The following FIG4 variants were observed in gnomAD, a reference collection of about 807,000 sequenced individuals.
FIG4 encodes the protein polyphosphoinositide phosphatase.
Under a neutral mutation model 118.6 loss-of-function variants are expected in FIG4, and 112 were observed. That is an observed-to-expected ratio of 0.94 (90% CI 0.81 to 1.11). The LOEUF is 1.11. FIG4 is among the 50% of genes least tolerant of loss of function. The pLI is 0.00. For synonymous variants in FIG4, 369 were observed against 381.2 expected (o/e 0.97, Z 0.37); for missense variants, 969 against 1,111.7 (o/e 0.87, Z 1.83).
chr6:109,729,134 TC>T (rs1302812931), intron 4 of FIG4, among the ~76,000 whole-genome samples: 1 of 152,190 alleles, frequency 6.6e-6, no homozygotes, highest in African/African-American at 2.4e-5. Context: ...ATTAAACATT[TC>T]ATACATAATG....
intron 7 of FIG4, among the ~76,000 whole-genome samples, chr6:109,739,783 T>C (rs1170990037): frequency 6.6e-6 from 1 of 152,168 alleles, no homozygotes. Flanking sequence ...GAGTGGTTGC[T>C]TTGAGACTAT....
intron 3 of FIG4, among the ~76,000 whole-genome samples, chr6:109,718,140 A>T (rs1775490698): frequency 6.6e-6 from 1 of 152,182 alleles, no homozygotes; most frequent in Non-Finnish European, 1.5e-5. Flanking sequence ...CTGGAGCTTA[A>T]TTAAGGAATG....
rs374223402 is a variant in FIG4, at chr6:109,786,452, A to G, written c.2096+3A>G. Reference sequence around the variant, plus strand: ...TTGGCTATGACAAGCTCAGCACGGTATGTTGTGTGTATTCTGATACCATAA... The same window carrying G: ...TTGGCTATGACAAGCTCAGCACGGTGTGTTGTGTGTATTCTGATACCATAA... On this transcript the variant is annotated splice_donor_region_variant and intron_variant, in intron 18 of 22. Coordinates refer to ENST00000230124, the MANE Select transcript of FIG4 (RefSeq NM_014845.6). 2.7e-5 allele frequency: 43 copies of G among 1,613,568 alleles called. No individual in the cohort carries two copies. Among genetic ancestry groups the G allele is most frequent in the Non-Finnish European group, 3.1e-5 (37 of 1,179,672 alleles).
chr6:109,707,387 A>C (rs1038875392), intron 1 of FIG4, among the ~76,000 whole-genome samples: 3 of 148,296 alleles, frequency 2.0e-5, no homozygotes, highest in South Asian at 2.1e-4. Context: ...ACATATATAC[A>C]CATATGTATA....
chr6:109,812,963 A>G (rs192238957), intron 22 of FIG4, among the ~76,000 whole-genome samples: 42 of 152,256 alleles, frequency 2.8e-4, no homozygotes, highest in African/African-American at 9.9e-4. Flanking sequence ...ATTCTTATGT[A>G]AATCTAGAAT....
chr6:109,748,354 G>A lies in FIG4; in HGVS notation c.1137+4582G>A, dbSNP rs182310821. Among the ~76,000 whole-genome samples the A allele has an allele frequency of 1.3e-4, 20 of 152,250 alleles. No individual in the cohort carries two copies. The East Asian group carries it at 3.1e-3, about 24-fold the overall frequency. Reference sequence around the variant, plus strand: ...TTTGGATTTTGGCAATACTGTGATCGAAGTGGTCCATGAAATCTCAGCCAA... The same window carrying A: ...TTTGGATTTTGGCAATACTGTGATCAAAGTGGTCCATGAAATCTCAGCCAA... On this transcript the variant is annotated intron_variant, in intron 10 of 22. Coordinates refer to ENST00000230124, the MANE Select transcript of FIG4 (RefSeq NM_014845.6).
chr6:109,744,764 A>G (rs1326602514), intron 10 of FIG4, among the ~76,000 whole-genome samples: 4 of 151,880 alleles, frequency 2.6e-5, no homozygotes, highest in Non-Finnish European at 5.9e-5. Flanking sequence ...TACATTAGGT[A>G]TTTCTCCTAA....
Position 109,760,375 on chromosome 6 carries a change from T to A in FIG4, c.1263T>A (p.Tyr421Ter). 1 of 1,613,152 alleles carries A rather than the reference T, an allele frequency of 6.2e-7. No homozygotes were observed. Among genetic ancestry groups the A allele is most frequent in the Non-Finnish European group, 8.5e-7 (1 of 1,179,176 alleles). ...ATATTCCCTGGGACATGGCCAAGTATACCAAAAGGTGAATGATACTCATCT... is the reference window on the plus strand; with the variant it reads ...ATATTCCCTGGGACATGGCCAAGTAAACCAAAAGGTGAATGATACTCATCT... Reference protein sequence around the residue: ...IVYIPWDMAKYTKSKLCNVLD... With the variant: ...IVYIPWDMAK The change falls in exon 11 of 23, where the codon TAT (tyrosine) becomes TAA (stop). Residue 421 changes from tyrosine (Y) to a stop codon, truncating the protein, a stop_gained. Transcript: ENST00000230124. LOFTEE classifies it high-confidence loss of function.
chr6:109,809,740 G>C (rs1169005832), intron 22 of FIG4, among the ~76,000 whole-genome samples: 1 of 152,042 alleles, frequency 6.6e-6, no homozygotes, highest in Non-Finnish European at 1.5e-5. Flanking sequence ...CTTTTTAAAG[G>C]GTTCTATCAA....
chr6:109,743,840 G>A, intron 10 of FIG4, 68 bp downstream of exon 10: 1 of 1,077,384 alleles, frequency 9.3e-7, no homozygotes. Context: ...TCAACACAGA[G>A]GGGGTTAACA....
chr6:109,772,440 G>A (rs966343565), intron 15 of FIG4, among the ~76,000 whole-genome samples: 1 of 152,020 alleles, frequency 6.6e-6, no homozygotes, highest in Non-Finnish European at 1.5e-5. Flanking sequence ...TCTCTGCTGG[G>A]ATATTGAATT....
chr6:109,710,629 G>C (rs779118213), intron 1 of FIG4, among the ~76,000 whole-genome samples: 2 of 152,020 alleles, frequency 1.3e-5, no homozygotes, highest in Non-Finnish European at 2.9e-5. Flanking sequence ...TTGCTTGTAG[G>C]CTATTTATTA....
At chr6:109,774,529 T>C (rs1440974245) in intron 15 of FIG4, among the ~76,000 whole-genome samples, 3 of 152,052 alleles carry the variant, frequency 2.0e-5, no homozygotes, top group African/African-American at 7.2e-5. Context: ...TATCTATATA[T>C]ATTATATAGA....
At chr6:109,755,546 T>C (rs1019223683) in intron 10 of FIG4, among the ~76,000 whole-genome samples, 4 of 152,144 alleles carry the variant, frequency 2.6e-5, no homozygotes, top group African/African-American at 9.7e-5. Context: ...GTGTTGAAGT[T>C]TCCCATTATT....
At chr6:109,696,985 A>C (rs1774742193) in intron 1 of FIG4, among the ~76,000 whole-genome samples, 1 of 152,206 alleles carries the variant, frequency 6.6e-6, no homozygotes, top group Admixed American at 6.5e-5. Context: ...GCATGTATTA[A>C]AATATCACTC....
intron 22 of FIG4, among the ~76,000 whole-genome samples, chr6:109,809,558 G>A (rs1472411677): frequency 2.6e-5 from 4 of 152,226 alleles, no homozygotes; most frequent in South Asian, 2.1e-4. Context: ...GAACTTGTTC[G>A]CATAGGGTAG....
At chr6:109,810,805 T>A (rs929793474) in intron 22 of FIG4, among the ~76,000 whole-genome samples, 6 of 152,176 alleles carry the variant, frequency 3.9e-5, no homozygotes, top group African/African-American at 1.2e-4. Context: ...AAAAATACGT[T>A]CTGAAAAAGG....
At chr6:109,723,222 T>G (rs1405313670) in intron 3 of FIG4, among the ~76,000 whole-genome samples, 1 of 152,212 alleles carries the variant, frequency 6.6e-6, no homozygotes, top group Non-Finnish European at 1.5e-5. Flanking sequence ...CTCCTTGCAT[T>G]GCTATTTCAG....
In FIG4 at chr6:109,728,939, A is replaced by G. The variant is rs557434117; in HGVS notation, c.446+1674A>G. Among the ~76,000 whole-genome samples the G allele has an allele frequency of 6.6e-5, 10 of 152,294 alleles. 1 individual carries two copies. The highest frequency in any genetic ancestry group is 1.7e-4 in the African/African-American group (7 of 41,582). On this transcript the variant is annotated intron_variant, in intron 4 of 22. Coordinates refer to ENST00000230124, the MANE Select transcript of FIG4 (RefSeq NM_014845.6). ...TTGGATATCTTTAAAGAATAAAATT[A>G]TGAGTAATAACATGTAAATGGACTT... is the stretch of plus-strand genomic sequence containing the variant.
Sources: gnomAD v4.1 joint callset for allele counts (sites outside exome capture counted in the v4.1 genomes callset) on GRCh38, gnomAD v4.1.1 for gene constraint, MANE v1.5 for transcripts, NCBI Gene and HGNC (gene_info 2026-07-23, HGNC 2026-07-21) for gene names.